Variants in NRBP1 observed in about 807,000 individuals in gnomAD.
NRBP1 encodes nuclear receptor-binding protein.
NRBP1 carries 10 observed loss-of-function variants against 76.0 expected under a neutral mutation model. The ratio of observed to expected loss-of-function variants is 0.13; its 90% CI spans 0.08 to 0.22. The LOEUF (loss-of-function observed/expected upper bound fraction) is 0.22. Among genes scored for constraint, NRBP1 ranks in the 10% least tolerant of loss-of-function variants. NRBP1 has a pLI of 1.00. For missense variants in NRBP1, 344 were observed against 646.0 expected (o/e 0.53, Z 5.07); for synonymous variants, 235 against 240.2 (o/e 0.98, Z 0.20).
chr2:27,435,625 A>G, intron 7 of NRBP1: 1 of 716,386 alleles, frequency 1.4e-6, no homozygotes, highest in Non-Finnish European at 2.6e-6. Flanking sequence ...TCTGTGTGGT[A>G]TTTGTGTGTC....
intron 1 of NRBP1, among the ~76,000 whole-genome samples, chr2:27,430,478 T>TTTTTTTTTTTTTTTTTTTTTC: frequency 7.3e-6 from 1 of 137,782 alleles, no homozygotes; most frequent in Non-Finnish European, 1.5e-5. Flanking sequence ...TCTTTTTTTT[T>TTTTTTTTTTTTTTTTTTTTTC]TTTTTTTTGA....
At position 27,439,794 on chromosome 2, in the gene NRBP1, A is replaced by G; in HGVS notation, c.932A>G (p.Glu311Gly). The change falls in exon 11 of 18, where the codon GAG becomes GGG. Residue 311 changes from glutamate (E) to glycine (G), a missense_variant. Around this residue, in one of 3 missense-constraint regions of NRBP1, gnomAD observed 218 missense variants for 309.8 expected, o/e 0.70. Transcript: ENST00000379852. ...TTCATTCAAAAGTGCCTGCAGTCTGAGCCTGCTCGCAGACCAACAGCCAGA... is the reference window on the plus strand; with the variant it reads ...TTCATTCAAAAGTGCCTGCAGTCTGGGCCTGCTCGCAGACCAACAGCCAGA... ...REFIQKCLQS[E>G]PARRPTAREL... is the part of the protein sequence containing the mutation. The G allele has an allele frequency of 6.2e-7, 1 of 1,614,072 alleles. No individual in the cohort carries two copies. Among genetic ancestry groups the G allele is most frequent in the Non-Finnish European group, 8.5e-7 (1 of 1,180,008 alleles).
At chr2:27,439,723 G>T (rs746974801) in intron 10 of NRBP1, 43 bp from the exon 11 acceptor site, 3 of 1,611,844 alleles carry the variant, frequency 1.9e-6, no homozygotes, top group East Asian at 2.2e-5. Context: ...ACACACTGGG[G>T]GCTTGCCAGA....
intron 7 of NRBP1, 119 bp downstream of exon 7, chr2:27,435,346 G>C (rs1353544348): frequency 6.6e-6 from 5 of 758,442 alleles, no homozygotes; most frequent in Non-Finnish European, 1.1e-5. Context: ...GGTGAGAAGA[G>C]AAAGGACCTT....
At chr2:27,440,782 G>C in intron 13 of NRBP1, 23 bp from the exon 14 acceptor site, 1 of 1,614,080 alleles carries the variant, frequency 6.2e-7, no homozygotes, top group Non-Finnish European at 8.5e-7. Flanking sequence ...GAGCCCATGT[G>C]ACCTGTCTTC....
At chr2:27,440,313 A>G (rs1472573930) in intron 11 of NRBP1, 90 bp from the exon 12 acceptor site, 4 of 915,822 alleles carry the variant, frequency 4.4e-6, no homozygotes, top group East Asian at 2.4e-5. Context: ...CAGGCCTCCA[A>G]AGGGATTCTT....
Position 27,436,760 on chromosome 2 carries a change from T to C in NRBP1, c.669T>C (p.Pro223=), listed in dbSNP as rs746299530. Residue 223 remains proline, a synonymous_variant, in exon 8 of 18, where the codon CCT becomes CCC. Coordinates refer to ENST00000379852, the MANE Select transcript of NRBP1 (RefSeq NM_013392.4). ...NGLIKIGSVA[P]DTINNHVKTC... ...TGTCTCCCCTACTCCCAGTGGCTCC[T>C]GACACTATCAACAATCATGTGAAGA... 1 of 1,613,734 alleles carries C rather than the reference T, an allele frequency of 6.2e-7. No homozygotes were observed. The highest frequency in any genetic ancestry group is 2.2e-5 in the East Asian group (1 of 44,880).
intron 1 of NRBP1, chr2:27,429,490 A>T (rs763412799): frequency 3.3e-5 from 5 of 151,712 alleles, no homozygotes; most frequent in African/African-American, 4.9e-5. Context: ...CATTACTCCA[A>T]AGTGAACACA....
chr2:27,435,797 C>A (rs193140146), intron 7 of NRBP1: 21 of 717,540 alleles, frequency 2.9e-5, no homozygotes, highest in Middle Eastern at 2.3e-4. Flanking sequence ...TCCCTCTGCT[C>A]CCTTGGCGGC....
chr2:27,435,667 C>A, intron 7 of NRBP1: 1 of 717,640 alleles, frequency 1.4e-6, no homozygotes, highest in South Asian at 1.5e-5. Flanking sequence ...CTCCATCGCT[C>A]ACAACTTTTC....
intron 14 of NRBP1, 51 bp from the exon 15 acceptor site, chr2:27,441,076 T>G (rs749707626): frequency 1.2e-6 from 2 of 1,610,854 alleles, no homozygotes; most frequent in Non-Finnish European, 1.7e-6. Flanking sequence ...CGTCTAGGTA[T>G]TGGGTTTTTT....
chr2:27,434,266 T>C (rs1658353091), intron 4 of NRBP1, among the ~76,000 whole-genome samples, 176 bp downstream of exon 4: 1 of 152,222 alleles, frequency 6.6e-6, no homozygotes, highest in Admixed American at 6.5e-5. Flanking sequence ...TGTGTGGCTA[T>C]AGATTGGGCA....
Position 27,441,640 on chromosome 2 carries a change from A to C in NRBP1, c.1503+18A>C. 6.2e-7 allele frequency: 1 copy of C among 1,613,992 alleles called. No homozygotes were observed. On this transcript the variant is annotated intron_variant, in intron 17 of 17. Transcript: ENST00000379852. ...TTAGTGAGGTGAGGTTTCTGCCTTC[A>C]TCTGCCCTGGCTGCCCCCATGCCTT... is the stretch of plus-strand genomic sequence containing the variant.
At chr2:27,438,137 G>A (rs1434846037) in intron 10 of NRBP1, among the ~76,000 whole-genome samples, 4 of 151,592 alleles carry the variant, frequency 2.6e-5, no homozygotes, top group Non-Finnish European at 4.4e-5. Context: ...CTGAGATTGG[G>A]CCACTGCACT....
Position 27,437,322 on chromosome 2 carries a change from A to G in NRBP1, c.865A>G (p.Ser289Gly). Residue 289 changes from serine (S) to glycine (G), a missense_variant, in exon 10 of 18, where the codon AGC becomes GGC. Transcript: ENST00000379852. The stretch of plus-strand genomic sequence containing the variant: ...CTCATATGTGCCACAGGAAGCCATC[A>G]GCAGTGCCATCCAGCTTCTAGAAGA... ...ESSYVPQEAI[S>G]SAIQLLEDPL... is the part of the protein sequence containing the mutation. The G allele has an allele frequency of 6.2e-7, 1 of 1,613,934 alleles. No homozygotes were observed. Among genetic ancestry groups the G allele is most frequent in the South Asian group, 1.1e-5 (1 of 91,054 alleles).
At chr2:27,439,935 A>G (rs1364431248) in intron 11 of NRBP1, 37 bp downstream of exon 11, 19 of 1,569,190 alleles carry the variant, frequency 1.2e-5, no homozygotes, top group South Asian at 2.2e-5. Context: ...TAGTCTTCCA[A>G]TCTGGAGCCC....
Position 27,442,125 on chromosome 2 carries a change from C to G in NRBP1, c.*313C>G. 1.9e-6 allele frequency: 1 copy of G among 531,798 alleles called. No individual in the cohort carries two copies. The highest frequency in any genetic ancestry group is 3.3e-6 in the Non-Finnish European group (1 of 304,026). 32.9% of individuals were successfully genotyped at this position (531,798 alleles called of 1,614,324 possible). On this transcript the variant is annotated 3_prime_UTR_variant, in exon 18 of 18. Coordinates refer to ENST00000379852, the MANE Select transcript of NRBP1 (RefSeq NM_013392.4). ...TGTGTGGAAAGGAGGCCCACGGGCA[C>G]TAGGGGAGCCGAATTCTACAATCCC... is the stretch of plus-strand genomic sequence containing the variant.
chr2:27,434,903 G>T, intron 6 of NRBP1, 141 bp downstream of exon 6: 2 of 906,152 alleles, frequency 2.2e-6, no homozygotes, highest in South Asian at 1.4e-5. Flanking sequence ...GGGCCCCTAC[G>T]GGTCTTTTAA....
In NRBP1 at chr2:27,442,217, C is replaced by T. The variant is rs1664615196; in HGVS notation, c.*405C>T. 5.4e-6 allele frequency: 3 copies of T among 552,888 alleles called. No individual in the cohort carries two copies. Among genetic ancestry groups the T allele is most frequent in the Admixed American group, 3.9e-5 (1 of 25,938 alleles). The allele number at this position is 552,888 out of a possible 1,614,324, so 34.2% of individuals were successfully genotyped here. A position where few individuals can be genotyped will look rare whatever the true frequency, so the allele number is the denominator to read the frequency against. ...GGTGGCCCTGGGGGGCCATTCGATTCGCCTCAGTTGCTGCTGTAATAAAAG... is the reference window on the plus strand; with the variant it reads ...GGTGGCCCTGGGGGGCCATTCGATTTGCCTCAGTTGCTGCTGTAATAAAAG... On this transcript the variant is annotated 3_prime_UTR_variant, in exon 18 of 18. Transcript: ENST00000379852.
Sources: gnomAD v4.1 joint callset for allele counts (sites outside exome capture counted in the v4.1 genomes callset) on GRCh38, gnomAD v4.1.1 for gene constraint, gnomAD v4.1.1 regional missense constraint, MANE v1.5 for transcripts, NCBI Gene and HGNC (gene_info 2026-07-23, HGNC 2026-07-21) for gene names.